SLBP: variants seen among roughly 807,000 people sequenced by gnomAD.
SLBP encodes histone RNA hairpin-binding protein.
Under a neutral mutation model 39.2 loss-of-function variants are expected in SLBP, and 29 were observed. The ratio of observed to expected loss-of-function variants is 0.74; its 90% CI spans 0.55 to 1.01. The LOEUF is 1.01. Among genes scored for constraint, SLBP ranks in the 50% least tolerant of loss-of-function variants. The probability of loss-of-function intolerance (pLI) is 0.00; values close to 1 mark genes in which losing one functional copy is unlikely to be tolerated. For missense variants in SLBP, 390 were observed against 350.2 expected, an observed-to-expected ratio of 1.11 and a Z score of -0.91; for synonymous variants, 129 against 118.7, an observed-to-expected ratio of 1.09 and a Z score of -0.57.
intron 5 of SLBP, among the ~76,000 whole-genome samples, chr4:1,696,639 T>C (rs1343571767): frequency 6.6e-6 from 1 of 152,124 alleles, no homozygotes; most frequent in African/African-American, 2.4e-5. Flanking sequence ...GGCTCACACC[T>C]ATAATCCTAG....
chr4:1,696,385 C>T, intron 5 of SLBP, 34 bp from the exon 6 acceptor site: 3 of 1,493,956 alleles, frequency 2.0e-6, no homozygotes, highest in Non-Finnish European at 2.7e-6. Context: ...CACATGCCCA[C>T]ATGCCACTCA....
rs1441671480 is a variant in SLBP, at chr4:1,694,756, C to T, written c.696+18G>A. 3.2e-5 allele frequency: 51 copies of T among 1,590,012 alleles called. No individual in the cohort carries two copies. The highest frequency in any genetic ancestry group is 4.5e-5 in the East Asian group (2 of 44,728). ...CACCTGCAACCCCCAAGCTGAAAGA[C>T]TTATCCAAAGTACTTACAAAGTCAT... On this transcript the variant is annotated intron_variant, in intron 7 of 7. Coordinates refer to ENST00000489418, the MANE Select transcript of SLBP (RefSeq NM_006527.4).
At chr4:1,701,969 C>T (rs187972321) in intron 3 of SLBP, among the ~76,000 whole-genome samples, 9 of 152,266 alleles carry the variant, frequency 5.9e-5, no homozygotes, top group African/African-American at 1.7e-4. Flanking sequence ...ATCAACAGAG[C>T]AGCCCAAACA....
chr4:1,710,765 G>A (rs1716730510), intron 2 of SLBP, among the ~76,000 whole-genome samples: 1 of 151,820 alleles, frequency 6.6e-6, no homozygotes. Context: ...GAAACACAAA[G>A]GTGGCCGGGC....
At chr4:1,704,078 C>T (rs1218862412) in intron 2 of SLBP, among the ~76,000 whole-genome samples, 1 of 151,974 alleles carries the variant, frequency 6.6e-6, no homozygotes, top group Admixed American at 6.6e-5. Flanking sequence ...GGCAGTGTGC[C>T]CACTGTGTTT....
Position 1,711,923 on chromosome 4 carries a change from CG to C in SLBP, c.126del (p.Glu43LysfsTer42). On this transcript the variant is annotated frameshift_variant, in exon 2 of 8. Coordinates refer to ENST00000489418, the MANE Select transcript of SLBP (RefSeq NM_006527.4). LOFTEE classifies it high-confidence loss of function. Reference sequence around the variant, plus strand: ...CGGTGCTCTGCCTCCTCGGCGTCTTCGGGCCTCCAGCGCCTGCCGTCGGCTC... The same window carrying C: ...CGGTGCTCTGCCTCCTCGGCGTCTTCGGCCTCCAGCGCCTGCCGTCGGCTC... Reference protein sequence around the residue: ...KRRADGRRWRPEDAEEAEHRG... With the variant: ...KRRADGRRWRXEDAEEAEHRG... 7.3e-7 allele frequency: 1 copy of C among 1,362,458 alleles called. No homozygotes were observed. 84.4% of individuals were successfully genotyped at this position (1,362,458 alleles called of 1,614,324 possible).
chr4:1,705,970 G>T (rs746131232), intron 2 of SLBP, among the ~76,000 whole-genome samples: 38 of 152,256 alleles, frequency 2.5e-4, no homozygotes, highest in Non-Finnish European at 5.0e-4. Flanking sequence ...GGGCAACAGG[G>T]CAAGACCATA....
intron 2 of SLBP, among the ~76,000 whole-genome samples, chr4:1,711,216 T>C (rs1312634383): frequency 2.0e-5 from 3 of 151,888 alleles, no homozygotes; most frequent in Non-Finnish European, 4.4e-5. Flanking sequence ...AGGTCCTGCC[T>C]TCAGAAGCCT....
intron 4 of SLBP, 66 bp downstream of exon 4, chr4:1,699,945 A>AT: frequency 8.6e-7 from 1 of 1,167,264 alleles, no homozygotes; most frequent in African/African-American, 1.6e-5. Context: ...TGACAGTCAC[A>AT]ATTTTTTTTT....
rs779624691 is a variant in SLBP at position 1,692,986 on chromosome 4, T to G, written c.*611A>C. ...TTCTTTCTAAATCGCTCCACTCTGC[T>G]GCCCTAACTCTTGGAGTATTCTAAA... On this transcript the variant is annotated 3_prime_UTR_variant, in exon 8 of 8. Coordinates refer to ENST00000489418, the MANE Select transcript of SLBP (RefSeq NM_006527.4). The G allele has an allele frequency of 2.0e-5, 3 of 152,726 alleles. No individual in the cohort carries two copies. The highest frequency in any genetic ancestry group is 4.4e-5 in the Non-Finnish European group (3 of 68,088). 9.5% of individuals were successfully genotyped at this position (152,726 alleles called of 1,614,324 possible).
intron 3 of SLBP, among the ~76,000 whole-genome samples, chr4:1,702,830 T>C (rs1243954487): frequency 6.6e-6 from 1 of 152,206 alleles, no homozygotes; most frequent in Non-Finnish European, 1.5e-5. Flanking sequence ...ATTTCTGAGC[T>C]GTTTGTTGCC....
At chr4:1,699,510 T>C in intron 5 of SLBP, 54 bp downstream of exon 5, 1 of 1,597,926 alleles carries the variant, frequency 6.3e-7, no homozygotes, top group Admixed American at 1.7e-5. Flanking sequence ...AGCAACTCTT[T>C]AGAAACGCAA....
At chr4:1,706,367 A>T (rs1716517177) in intron 2 of SLBP, among the ~76,000 whole-genome samples, 1 of 152,218 alleles carries the variant, frequency 6.6e-6, no homozygotes, top group Non-Finnish European at 1.5e-5. Context: ...TATGTACACT[A>T]TGATTACAAT....
chr4:1,707,389 C>G (rs1239065905), intron 2 of SLBP, among the ~76,000 whole-genome samples: 1 of 150,576 alleles, frequency 6.6e-6, no homozygotes, highest in Non-Finnish European at 1.5e-5. Flanking sequence ...GCCTATAATC[C>G]CAGCTACTCG....
chr4:1,697,207 G>A (rs989158007), intron 5 of SLBP, among the ~76,000 whole-genome samples: 2 of 134,724 alleles, frequency 1.5e-5, no homozygotes, highest in African/African-American at 2.7e-5. Context: ...AGTGGTTCAC[G>A]CTGTAATCCC....
intron 4 of SLBP, 41 bp downstream of exon 4, chr4:1,699,970 G>C (rs768733510): frequency 7.3e-7 from 1 of 1,377,274 alleles, no homozygotes; most frequent in Non-Finnish European, 1.0e-6. Context: ...ACAAATTACA[G>C]GTCTATCAAA....
chr4:1,695,018 C>A (rs1716055662), intron 6 of SLBP, among the ~76,000 whole-genome samples, 178 bp from the exon 7 acceptor site: 1 of 152,170 alleles, frequency 6.6e-6, no homozygotes. Flanking sequence ...CCCAATCAAT[C>A]CAGCAAAGAG....
chr4:1,705,904 C>G (rs577062497), intron 2 of SLBP, among the ~76,000 whole-genome samples: 2 of 152,182 alleles, frequency 1.3e-5, no homozygotes, highest in Non-Finnish European at 2.9e-5. Flanking sequence ...GAGGATCACT[C>G]TAGCCCAGGA....
At chr4:1,706,105 C>T (rs1191133909) in intron 2 of SLBP, among the ~76,000 whole-genome samples, 2 of 152,038 alleles carry the variant, frequency 1.3e-5, no homozygotes, top group African/African-American at 4.8e-5. Flanking sequence ...GCTAACATGG[C>T]GAAACCCCAT....
Sources: gnomAD v4.1 joint callset for allele counts (sites outside exome capture counted in the v4.1 genomes callset) on GRCh38, gnomAD v4.1.1 for gene constraint, MANE v1.5 for transcripts, NCBI Gene and HGNC (gene_info 2026-07-23, HGNC 2026-07-21) for gene names.